The following LRMDA variants were observed in gnomAD, a reference collection of about 807,000 sequenced individuals.
The protein encoded by LRMDA is leucine rich melanocyte differentiation associated, also known as leucine-rich melanocyte differentiation-associated protein.
Under a neutral mutation model 29.8 loss-of-function variants are expected in LRMDA, and 18 were observed. The ratio of observed to expected loss-of-function variants is 0.60; its 90% confidence interval spans 0.42 to 0.90. The LOEUF is 0.90. Ranked by LOEUF, LRMDA falls within the 40% of genes least tolerant of loss-of-function variation. The pLI is 0.00. For missense variants in LRMDA, 273 were observed against 273.9 expected, an observed-to-expected ratio of 1.00 and a Z score of 0.02; for synonymous variants, 125 against 109.4, an observed-to-expected ratio of 1.14 and a Z score of -0.89.
intron 2 of LRMDA, among the ~76,000 whole-genome samples, chr10:75,737,621 C>G (rs1842781894): frequency 1.3e-5 from 2 of 152,214 alleles, no homozygotes; most frequent in African/African-American, 4.8e-5. Flanking sequence ...CTCATTGACT[C>G]TCCCTTCACA....
At chr10:75,614,913 G>T (rs1174083696) in intron 2 of LRMDA, among the ~76,000 whole-genome samples, 1 of 152,106 alleles carries the variant, frequency 6.6e-6, no homozygotes, top group East Asian at 1.9e-4. Context: ...AGAGGAGGCT[G>T]GCTTCTCCCT....
At chr10:76,339,098 T>C (rs940488268) in intron 6 of LRMDA, among the ~76,000 whole-genome samples, 4 of 152,242 alleles carry the variant, frequency 2.6e-5, no homozygotes, top group Admixed American at 2.0e-4. Flanking sequence ...TTTTGTTACA[T>C]GGAAAATAAG....
At chr10:76,123,702 C>T (rs1849829741) in intron 5 of LRMDA, among the ~76,000 whole-genome samples, 1 of 152,176 alleles carries the variant, frequency 6.6e-6, no homozygotes, top group Admixed American at 6.5e-5. Context: ...TGAAGGAATT[C>T]TTTCACTCAG....
chr10:76,325,508 G>A (rs1197506216), intron 6 of LRMDA, among the ~76,000 whole-genome samples: 1 of 152,172 alleles, frequency 6.6e-6, no homozygotes, highest in Non-Finnish European at 1.5e-5. Flanking sequence ...GCATGAACAG[G>A]TCTCTTTCAC....
At chr10:76,206,556 T>C (rs928672593) in intron 5 of LRMDA, among the ~76,000 whole-genome samples, 27 of 152,334 alleles carry the variant, frequency 1.8e-4, no homozygotes, top group Middle Eastern at 3.4e-3. Context: ...AATCCATATC[T>C]GTTGCATGGC....
At chr10:75,527,078 C>G (rs1257209811) in intron 2 of LRMDA, among the ~76,000 whole-genome samples, 3 of 152,116 alleles carry the variant, frequency 2.0e-5, no homozygotes, top group African/African-American at 7.2e-5. Flanking sequence ...TGCTTTCTGT[C>G]TCTACAAATT....
chr10:75,862,963 A>G (rs1844957970), intron 2 of LRMDA, among the ~76,000 whole-genome samples: 1 of 152,110 alleles, frequency 6.6e-6, no homozygotes, highest in South Asian at 2.1e-4. Flanking sequence ...ACAAAGGGTT[A>G]ATTTTCTTAT....
intron 2 of LRMDA, among the ~76,000 whole-genome samples, chr10:75,500,855 C>T (rs904814628): frequency 5.9e-5 from 9 of 152,160 alleles, no homozygotes; most frequent in Non-Finnish European, 8.8e-5. Flanking sequence ...GTCCCTCGCT[C>T]GATTACAGTT....
chr10:75,561,686 C>G (rs1400288448), intron 2 of LRMDA, among the ~76,000 whole-genome samples: 68 of 151,396 alleles, frequency 4.5e-4, no homozygotes, highest in African/African-American at 1.1e-3. Context: ...AAATTTCCCT[C>G]TACACACTGC....
intron 6 of LRMDA, among the ~76,000 whole-genome samples, chr10:76,426,290 T>C (rs1464417929): frequency 2.6e-5 from 4 of 152,150 alleles, no homozygotes; most frequent in Admixed American, 6.5e-5. Context: ...TAATGATCGC[T>C]ATTCTAACTG....
intron 5 of LRMDA, among the ~76,000 whole-genome samples, chr10:76,072,482 T>TA (rs200054082): frequency 1.4e-4 from 21 of 149,136 alleles, no homozygotes; most frequent in South Asian, 4.3e-4. Context: ...AGCCTTTAAT[T>TA]AAAAAAAAAA....
intron 5 of LRMDA, among the ~76,000 whole-genome samples, chr10:76,238,108 A>C (rs540314003): frequency 1.1e-4 from 17 of 152,142 alleles, no homozygotes; most frequent in African/African-American, 4.1e-4. Flanking sequence ...CATATTCATT[A>C]TGTGTCTCCT....
chr10:75,862,398 A>G (rs1015389705), intron 2 of LRMDA, among the ~76,000 whole-genome samples: 1 of 152,186 alleles, frequency 6.6e-6, no homozygotes, highest in Non-Finnish European at 1.5e-5. Context: ...AGGTAGTGAA[A>G]GAACTACCTG....
intron 4 of LRMDA, among the ~76,000 whole-genome samples, chr10:76,048,566 G>A (rs1354681922): frequency 1.3e-5 from 2 of 152,174 alleles, no homozygotes; most frequent in South Asian, 4.1e-4. Context: ...GGCTTTCCCA[G>A]TGGGGCTTTT....
At chr10:75,587,840 C>T (rs976914981) in intron 2 of LRMDA, among the ~76,000 whole-genome samples, 3 of 152,194 alleles carry the variant, frequency 2.0e-5, no homozygotes, top group Non-Finnish European at 4.4e-5. Flanking sequence ...CAGCCAAGGT[C>T]GGGAGCATGA....
chr10:76,435,273 T>C (rs1199944968), intron 6 of LRMDA, among the ~76,000 whole-genome samples: 2 of 152,172 alleles, frequency 1.3e-5, no homozygotes, highest in African/African-American at 2.4e-5. Context: ...CAGGAAGGCA[T>C]TGGCAGAACT....
At chr10:76,290,206 T>C (rs927428926) in intron 5 of LRMDA, among the ~76,000 whole-genome samples, 17 of 152,148 alleles carry the variant, frequency 1.1e-4, no homozygotes, top group African/African-American at 3.6e-4. Context: ...GGCCTTATCC[T>C]TCAGGTGAGT....
chr10:76,516,043 C>A (rs918160690), intron 6 of LRMDA, among the ~76,000 whole-genome samples: 1 of 152,116 alleles, frequency 6.6e-6, no homozygotes, highest in Non-Finnish European at 1.5e-5. Context: ...GATCTGGATC[C>A]TTGAAGTTTA....
chr10:76,058,810 C>A, intron 5 of LRMDA, 27 bp downstream of exon 5: 1 of 1,544,638 alleles, frequency 6.5e-7, no homozygotes. Context: ...CTGTTCTTCA[C>A]AAGGGATTTA....
Sources: allele counts gnomAD v4.1 joint callset (sites outside exome capture counted in the v4.1 genomes callset), GRCh38; gene constraint gnomAD v4.1.1; transcripts MANE v1.5; gene names NCBI Gene and HGNC (gene_info 2026-07-23, HGNC 2026-07-21).